PKHD1: variants seen among roughly 807,000 people sequenced by gnomAD.
PKHD1 encodes fibrocystin.
PKHD1 carries 291 observed loss-of-function variants against 412.0 expected under a neutral mutation model. The observed-to-expected ratio is 0.71, with a 90% confidence interval of 0.64 to 0.78. PKHD1 has a LOEUF of 0.78. Ranked by LOEUF, PKHD1 falls within the 30% of genes least tolerant of loss-of-function variation. The pLI is 0.00. For synonymous variants in PKHD1, 1,777 were observed against 1,821.5 expected (o/e 0.98, Z 0.62); for missense variants, 4,825 against 4,950.7 (o/e 0.97, Z 0.76).
intron 60 of PKHD1, among the ~76,000 whole-genome samples, chr6:51,719,188 T>C (rs559336169): frequency 6.6e-6 from 1 of 152,046 alleles, no homozygotes; most frequent in African/African-American, 2.4e-5. Context: ...TGTGCCAAAT[T>C]AAGAGTTAGA....
intron 55 of PKHD1, among the ~76,000 whole-genome samples, chr6:51,759,977 T>C (rs1263392038): frequency 6.6e-6 from 1 of 152,066 alleles, no homozygotes; most frequent in Non-Finnish European, 1.5e-5. Flanking sequence ...GTAGTGAATT[T>C]GGCAATAGAA....
chr6:52,000,103 C>T (rs2128096121), intron 35 of PKHD1, among the ~76,000 whole-genome samples: 1 of 152,330 alleles, frequency 6.6e-6, no homozygotes, highest in South Asian at 2.1e-4. Flanking sequence ...ATTAAATATA[C>T]TGATAAAATA....
rs771622189 is a variant in PKHD1, at chr6:51,883,135, A to G, written c.7308T>C (p.Thr2436=). 14 of 1,613,054 alleles carry G rather than the reference A, an allele frequency of 8.7e-6. No homozygotes were observed. In the South Asian group the frequency reaches 1.4e-4, roughly 16 times the overall value. Reference sequence around the variant, plus strand: ...CAAGTAATAAGCTGTCAGTAACTGAAGTATTTGCATCACTTTCCAAGACGT... The same window carrying G: ...CAAGTAATAAGCTGTCAGTAACTGAGGTATTTGCATCACTTTCCAAGACGT... ...GIDVLESDAN[T]SVTDSLLLGH... The change falls in exon 46 of 67, where the codon ACT becomes ACC. Residue 2436 remains threonine (T), a synonymous_variant. Coordinates refer to ENST00000371117, the MANE Select transcript of PKHD1 (RefSeq NM_138694.4).
At position 51,908,956 on chromosome 6, in the gene PKHD1, T is replaced by C. The variant is rs556619993; in HGVS notation, c.6682+327A>G. ...CACAGGATTGTGTGGTTCACTCTTG[T>C]GTGCTGTATTATAGTGATAGTTCTC... On this transcript the variant is annotated intron_variant, in intron 40 of 66. Coordinates refer to ENST00000371117, the MANE Select transcript of PKHD1 (RefSeq NM_138694.4). Among the ~76,000 whole-genome samples, 30 of 152,250 alleles carry C rather than the reference T, an allele frequency of 2.0e-4. 1 individual carries two copies. In the South Asian group the frequency reaches 5.2e-3, roughly 26 times the overall value.
intron 47 of PKHD1, among the ~76,000 whole-genome samples, chr6:51,868,894 A>G (rs1387749627): frequency 1.3e-5 from 2 of 152,158 alleles, no homozygotes; most frequent in Admixed American, 1.3e-4. Flanking sequence ...GCCTAAAAGG[A>G]AAGTATGGCA....
At chr6:51,798,430 TTAAGA>T (rs1429452871) in intron 52 of PKHD1, among the ~76,000 whole-genome samples, 1 of 152,094 alleles carries the variant, frequency 6.6e-6, no homozygotes, top group Admixed American at 6.6e-5. Flanking sequence ...TGTCTTTTCT[TTAAGA>T]ATGTTGAATA....
intron 36 of PKHD1, among the ~76,000 whole-genome samples, chr6:51,951,823 G>A (rs1359977246): frequency 6.6e-6 from 1 of 152,150 alleles, no homozygotes; most frequent in Non-Finnish European, 1.5e-5. Flanking sequence ...ATGAGATGGA[G>A]AGGTAAAGAC....
At chr6:51,644,374 A>G (rs1304258742) in intron 63 of PKHD1, among the ~76,000 whole-genome samples, 7 of 152,222 alleles carry the variant, frequency 4.6e-5, no homozygotes, top group Non-Finnish European at 8.8e-5. Context: ...TATGATAGGA[A>G]CAGTTTTAGG....
At chr6:51,635,255 T>C (rs1369064248) in intron 64 of PKHD1, among the ~76,000 whole-genome samples, 1 of 152,012 alleles carries the variant, frequency 6.6e-6, no homozygotes, top group Non-Finnish European at 1.5e-5. Context: ...AACTGAGAAG[T>C]GACATGAGCC....
Position 52,056,838 on chromosome 6 carries a change from C to T in PKHD1, c.1603-50G>A, listed in dbSNP as rs1212377819. 35 of 1,582,426 alleles carry T rather than the reference C, an allele frequency of 2.2e-5. No homozygotes were observed. The East Asian group carries it at 7.2e-4, about 32-fold the overall frequency. ...GGAATTTATATCATGAGCATAAAGA[C>T]CACCCCCAGTTCTCCCACTCCCCTC... is the stretch of plus-strand genomic sequence containing the variant. On this transcript the variant is annotated intron_variant, in intron 17 of 66. Coordinates refer to ENST00000371117, the MANE Select transcript of PKHD1 (RefSeq NM_138694.4).
intron 60 of PKHD1, among the ~76,000 whole-genome samples, chr6:51,673,777 G>C (rs1775396539): frequency 6.6e-6 from 1 of 152,168 alleles, no homozygotes; most frequent in Non-Finnish European, 1.5e-5. Flanking sequence ...GACACCTTAA[G>C]GATTGAGTGT....
intron 36 of PKHD1, among the ~76,000 whole-genome samples, chr6:51,958,441 T>G (rs1791490084): frequency 1.3e-5 from 2 of 152,140 alleles, no homozygotes; most frequent in Admixed American, 6.6e-5. Flanking sequence ...ATGAATGTTA[T>G]ACTTATCCTG....
rs754533251 is a variant in PKHD1, at chr6:51,836,437, G to A, written c.8140C>T (p.Arg2714Trp). 3.1e-5 allele frequency: 50 copies of A among 1,612,898 alleles called. No homozygotes were observed. The highest frequency in any genetic ancestry group is 4.5e-5 in the East Asian group (2 of 44,864). Residue 2714 changes from arginine to tryptophan, a missense_variant, in exon 51 of 67, where the codon CGG becomes TGG. Arg to Trp is a moderately radical substitution (Grantham distance 101, BLOSUM62 -3). Transcript: ENST00000371117. ...SGEGQVQVIL[R>W]VKEGMPPTIS... is the part of the protein sequence containing the mutation. ...GTTGGGGGCATACCTTCCTTCACCC[G>A]GAGAATGACTTGAACTTGGCCTTCA...
chr6:51,747,716 C>A, intron 58 of PKHD1, 71 bp downstream of exon 58: 1 of 1,355,562 alleles, frequency 7.4e-7, no homozygotes, highest in South Asian at 1.2e-5. Flanking sequence ...GATAAAATTT[C>A]AGAATGCCAT....
At chr6:51,782,895 C>G (rs1044379628) in intron 53 of PKHD1, among the ~76,000 whole-genome samples, 1 of 152,076 alleles carries the variant, frequency 6.6e-6, no homozygotes, top group African/African-American at 2.4e-5. Flanking sequence ...ATCCAATGAG[C>G]CTTACAGAAC....
chr6:51,931,839 G>A (rs777776314), intron 37 of PKHD1, among the ~76,000 whole-genome samples: 1 of 150,534 alleles, frequency 6.6e-6, no homozygotes, highest in Non-Finnish European at 1.5e-5. Flanking sequence ...GAGAGAGGAG[G>A]GAGAAGGAGA....
chr6:52,001,561 C>G (rs1798398006), intron 35 of PKHD1, among the ~76,000 whole-genome samples: 1 of 151,770 alleles, frequency 6.6e-6, no homozygotes, highest in Non-Finnish European at 1.5e-5. Flanking sequence ...TCCTGGGTAG[C>G]TGGGACTACA....
intron 35 of PKHD1, among the ~76,000 whole-genome samples, chr6:51,979,527 C>T (rs999850671): frequency 3.9e-5 from 6 of 151,956 alleles, no homozygotes; most frequent in Admixed American, 3.9e-4. Context: ...CATTCATTCT[C>T]TCTCTGTCTT....
chr6:51,680,496 T>C (rs962783933), intron 60 of PKHD1, among the ~76,000 whole-genome samples: 1 of 152,090 alleles, frequency 6.6e-6, no homozygotes, highest in Non-Finnish European at 1.5e-5. Context: ...TCAAGAGTTA[T>C]CACAAACTAA....
Sources: allele counts gnomAD v4.1 joint callset (sites outside exome capture counted in the v4.1 genomes callset), GRCh38; gene constraint gnomAD v4.1.1; transcripts MANE v1.5; gene names NCBI Gene and HGNC (gene_info 2026-07-23, HGNC 2026-07-21).